RBFOX1: variants seen among roughly 807,000 people sequenced by gnomAD.
RBFOX1 encodes RNA binding protein fox-1 homolog 1.
In RBFOX1, 8 loss-of-function variants were observed where a neutral mutation model predicts 57.7. The ratio of observed to expected loss-of-function variants is 0.14; its 90% CI spans 0.08 to 0.25. The LOEUF is 0.25. Among genes scored for constraint, RBFOX1 ranks in the 10% least tolerant of loss-of-function variants. The pLI, the probability that RBFOX1 is intolerant of heterozygous loss-of-function variation, is 1.00. For missense variants in RBFOX1, 611 were observed against 548.5 expected (o/e 1.11, Z -1.14); for synonymous variants, 326 against 222.4 (o/e 1.47, Z -4.15).
chr16:6,989,982 C>G (rs944423656), intron 3 of RBFOX1, among the ~76,000 whole-genome samples: 30 of 152,050 alleles, frequency 2.0e-4, no homozygotes, highest in African/African-American at 6.0e-4. Context: ...GCCTGGGTGA[C>G]AAGAGCGAGA....
At chr16:6,692,385 T>C (rs771432826) in intron 3 of RBFOX1, among the ~76,000 whole-genome samples, 1 of 152,166 alleles carries the variant, frequency 6.6e-6, no homozygotes, top group African/African-American at 2.4e-5. Context: ...TGATACCTGG[T>C]ATCTCTCCCT....
chr16:6,782,555 T>C lies in RBFOX1; in HGVS notation c.-16+127905T>C, dbSNP rs1603622896. 2.6e-5 allele frequency among the ~76,000 whole-genome samples: 4 copies of C among 152,102 alleles called. No homozygotes were observed. The South Asian group carries it at 8.3e-4, about 32-fold the overall frequency. On this transcript the variant is annotated intron_variant, in intron 3 of 15. Transcript: ENST00000550418. The stretch of plus-strand genomic sequence containing the variant: ...GATTTTTATGTCCAATAAATGCTTA[T>C]TGATTTCTAGTTTCATTCCATTGTG...
intron 4 of RBFOX1, among the ~76,000 whole-genome samples, chr16:7,058,048 C>G (rs942382094): frequency 2.7e-4 from 40 of 149,416 alleles, no homozygotes; most frequent in African/African-American, 8.8e-4. Context: ...ATATAGATCT[C>G]TGCTATGCTT....
intron 1 of RBFOX1, among the ~76,000 whole-genome samples, chr16:5,245,540 G>A (rs1171058084): frequency 6.6e-6 from 1 of 151,936 alleles, no homozygotes; most frequent in East Asian, 1.9e-4. Context: ...CACCTCCCAG[G>A]TTCAAGGGAT....
At chr16:7,139,145 C>G (rs2072887292) in intron 4 of RBFOX1, among the ~76,000 whole-genome samples, 1 of 131,260 alleles carries the variant, frequency 7.6e-6, no homozygotes, top group Admixed American at 7.6e-5. Flanking sequence ...CTGGACATCT[C>G]TTTTATAATG....
At chr16:5,387,836 G>A (rs1257390606) in intron 1 of RBFOX1, among the ~76,000 whole-genome samples, 1 of 152,182 alleles carries the variant, frequency 6.6e-6, no homozygotes, top group Non-Finnish European at 1.5e-5. Context: ...AAGAGTATCT[G>A]GGATTGTCCC....
rs536051897 is a variant in RBFOX1 at position 5,624,213 on chromosome 16, G to C, written c.318+25252G>C. 2.6e-5 allele frequency among the ~76,000 whole-genome samples: 4 copies of C among 152,288 alleles called. No individual in the cohort carries two copies. The East Asian group carries it at 7.7e-4, about 29-fold the overall frequency. ...CTCCTGCTACCCAGAGACTCTTTTT[G>C]AGACGGAGTCTCGCTCTGTCGCCCA... On this transcript the variant is annotated intron_variant, in intron 3 of 19. Transcript: ENST00000641259.
intron 3 of RBFOX1, among the ~76,000 whole-genome samples, chr16:6,668,636 C>T (rs938212018): frequency 7.9e-5 from 12 of 152,172 alleles, no homozygotes; most frequent in African/African-American, 2.9e-4. Flanking sequence ...CACATGATGT[C>T]ATCCTCATAT....
At chr16:7,320,862 A>G (rs1476055380) in intron 4 of RBFOX1, among the ~76,000 whole-genome samples, 1 of 152,238 alleles carries the variant, frequency 6.6e-6, no homozygotes, top group Non-Finnish European at 1.5e-5. Context: ...CCCCAAATTT[A>G]TAAGGGAATT....
intron 2 of RBFOX1, among the ~76,000 whole-genome samples, chr16:6,372,510 G>A (rs1376089052): frequency 6.6e-6 from 1 of 151,846 alleles, no homozygotes; most frequent in East Asian, 1.9e-4. Flanking sequence ...AGTATAGTTG[G>A]ATGGAAGGAT....
chr16:6,676,138 A>G (rs58165944), intron 3 of RBFOX1, among the ~76,000 whole-genome samples: 4,111 of 28,044 alleles, frequency 0.15, 205 homozygotes, highest in African/African-American at 0.28. Context: ...ACACACACAC[A>G]CGCGCACACA....
At chr16:6,121,928 G>C (rs1337907408) in intron 1 of RBFOX1, among the ~76,000 whole-genome samples, 8 of 152,160 alleles carry the variant, frequency 5.3e-5, no homozygotes, top group African/African-American at 1.4e-4. Flanking sequence ...TTGAGACAGA[G>C]TCTCATTCAC....
intron 2 of RBFOX1, among the ~76,000 whole-genome samples, chr16:5,500,727 C>T (rs891475351): frequency 3.3e-5 from 5 of 152,192 alleles, no homozygotes; most frequent in Non-Finnish European, 7.3e-5. Context: ...AGTGTCTTAT[C>T]AGCATTTCTT....
At chr16:5,308,831 C>T (rs538521500) in intron 1 of RBFOX1, among the ~76,000 whole-genome samples, 24 of 152,070 alleles carry the variant, frequency 1.6e-4, no homozygotes, top group East Asian at 3.9e-4. Context: ...AGATCTCTCT[C>T]GCAGATTCCC....
At chr16:6,574,553 C>G (rs2097397285) in intron 2 of RBFOX1, among the ~76,000 whole-genome samples, 1 of 150,192 alleles carries the variant, frequency 6.7e-6, no homozygotes, top group Non-Finnish European at 1.5e-5. Flanking sequence ...CTCAGCCTCC[C>G]AAGTAGCTGG....
At chr16:7,326,700 G>C (rs1302146868) in intron 4 of RBFOX1, among the ~76,000 whole-genome samples, 1 of 152,130 alleles carries the variant, frequency 6.6e-6, no homozygotes, top group African/African-American at 2.4e-5. Context: ...TCAAGGATGA[G>C]TATATCGTCC....
chr16:6,045,601 A>G (rs370155482), intron 1 of RBFOX1, among the ~76,000 whole-genome samples: 21 of 152,218 alleles, frequency 1.4e-4, no homozygotes, highest in African/African-American at 4.8e-4. Context: ...CTGAGAATAA[A>G]TCAATGACAA....
chr16:6,884,992 G>C (rs1034553906), intron 3 of RBFOX1, among the ~76,000 whole-genome samples: 1 of 152,082 alleles, frequency 6.6e-6, no homozygotes, highest in South Asian at 2.1e-4. Context: ...CTAAAGCTTT[G>C]GTTGTTTTCA....
intron 7 of RBFOX1, among the ~76,000 whole-genome samples, chr16:7,588,657 G>C (rs546691096): frequency 1.1e-3 from 168 of 152,332 alleles, no homozygotes; most frequent in African/African-American, 3.9e-3. Context: ...TTTGAGGCAA[G>C]TCGGTATCAC....
Sources: gnomAD v4.1 joint callset for allele counts (sites outside exome capture counted in the v4.1 genomes callset) on GRCh38, gnomAD v4.1.1 for gene constraint, MANE v1.5 for transcripts, NCBI Gene and HGNC (gene_info 2026-07-23, HGNC 2026-07-21) for gene names.